The following UBAC2 variants were observed in gnomAD, a reference collection of about 807,000 sequenced individuals.
UBAC2 encodes UBA domain containing 2.
UBAC2 carries 26 observed loss-of-function variants against 44.0 expected under a neutral mutation model. The observed-to-expected ratio is 0.59, with a 90% confidence interval of 0.43 to 0.82. UBAC2 has a LOEUF of 0.82. UBAC2 is among the 40% of genes least tolerant of loss of function. UBAC2 has a pLI of 0.00. For missense variants in UBAC2, 329 were observed against 419.4 expected (o/e 0.78, Z 1.88); for synonymous variants, 155 against 154.3 (o/e 1.00, Z -0.04).
rs2044868910 is a variant in UBAC2 at position 99,340,465 on chromosome 13, G to A, written c.707G>A (p.Gly236Glu). The A allele has an allele frequency of 6.2e-7, 1 of 1,614,062 alleles. No homozygotes were observed. ...ACCAGCGAAGCCAGAATTGGGATGGGAGCCACGCTGGACATCCAGAGACAG... is the reference window on the plus strand; with the variant it reads ...ACCAGCGAAGCCAGAATTGGGATGGAAGCCACGCTGGACATCCAGAGACAG... ...EPTSEARIGM[G>E]ATLDIQRQQR... The change falls in exon 7 of 9, where the codon GGA becomes GAA. Residue 236 changes from glycine (G) to glutamate (E), a missense_variant. Physicochemically the swap from Gly to Glu is moderately conservative, Grantham distance 98 (BLOSUM62 -2). Coordinates refer to ENST00000403766, the MANE Select transcript of UBAC2 (RefSeq NM_001144072.2).
chr13:99,379,836 C>T (rs2045527451), intron 8 of UBAC2, among the ~76,000 whole-genome samples: 1 of 152,174 alleles, frequency 6.6e-6, no homozygotes, highest in Admixed American at 6.5e-5. Flanking sequence ...AAATCTTTTT[C>T]TTATCACTGT....
At chr13:99,379,197 T>TA (rs1441081178) in intron 8 of UBAC2, among the ~76,000 whole-genome samples, 1 of 152,284 alleles carries the variant, frequency 6.6e-6, no homozygotes, top group East Asian at 1.9e-4. Flanking sequence ...AGTTTACGCT[T>TA]ATGCATGCCT....
At chr13:99,352,766 C>T (rs974851588) in intron 7 of UBAC2, among the ~76,000 whole-genome samples, 2 of 151,968 alleles carry the variant, frequency 1.3e-5, no homozygotes, top group Non-Finnish European at 2.9e-5. Context: ...GAGTAGAAAG[C>T]GTCAGTTACA....
At chr13:99,253,774 A>G (rs1178868607) in intron 4 of UBAC2, among the ~76,000 whole-genome samples, 1 of 152,204 alleles carries the variant, frequency 6.6e-6, no homozygotes, top group Non-Finnish European at 1.5e-5. Flanking sequence ...TCAGCCTCCC[A>G]AAGTGCTGGG....
chr13:99,384,480 G>A (rs1359821262), intron 8 of UBAC2, among the ~76,000 whole-genome samples: 1 of 152,190 alleles, frequency 6.6e-6, no homozygotes, highest in Non-Finnish European at 1.5e-5. Context: ...GGAAATCTCC[G>A]TATTCACAGA....
intron 2 of UBAC2, among the ~76,000 whole-genome samples, chr13:99,242,649 C>T (rs1356013494): frequency 4.3e-5 from 5 of 116,426 alleles, no homozygotes; most frequent in South Asian, 3.0e-4. Flanking sequence ...CCCCCACCTC[C>T]CTCCCGGACG....
intron 4 of UBAC2, among the ~76,000 whole-genome samples, chr13:99,252,494 A>G (rs1051833988): frequency 3.3e-5 from 5 of 152,242 alleles, no homozygotes; most frequent in Admixed American, 6.5e-5. Flanking sequence ...TGTAGCTGAC[A>G]TGATAGATGC....
intron 4 of UBAC2, among the ~76,000 whole-genome samples, chr13:99,289,398 C>G (rs2044061284): frequency 6.6e-6 from 1 of 152,142 alleles, no homozygotes; most frequent in Non-Finnish European, 1.5e-5. Flanking sequence ...ACCAACTAGA[C>G]AAACTTGAAA....
chr13:99,210,275 G>C (rs1476404865), intron 1 of UBAC2, among the ~76,000 whole-genome samples: 2 of 152,174 alleles, frequency 1.3e-5, no homozygotes, highest in African/African-American at 4.8e-5. Flanking sequence ...TGCAATGTAG[G>C]AAAGCACTAG....
chr13:99,353,511 C>T (rs1326759578), intron 7 of UBAC2, among the ~76,000 whole-genome samples: 1 of 152,112 alleles, frequency 6.6e-6, no homozygotes, highest in African/African-American at 2.4e-5. Context: ...CTCATGATAC[C>T]TCAGAAAACA....
At chr13:99,243,802 T>C in intron 2 of UBAC2, 30 bp from the exon 3 acceptor site, 3 of 1,543,438 alleles carry the variant, frequency 1.9e-6, no homozygotes, top group Non-Finnish European at 2.6e-6. Flanking sequence ...TTTACTCTTG[T>C]TTATTGTTCT....
At chr13:99,372,813 C>T (rs1451077681) in intron 8 of UBAC2, 1 of 152,232 alleles carries the variant, frequency 6.6e-6, no homozygotes, top group Non-Finnish European at 1.5e-5. Flanking sequence ...TGTCTGCTAT[C>T]TTAGAAATAA....
intron 7 of UBAC2, among the ~76,000 whole-genome samples, chr13:99,366,075 G>A (rs2045326856): frequency 6.6e-6 from 1 of 152,046 alleles, no homozygotes; most frequent in Non-Finnish European, 1.5e-5. Flanking sequence ...ATCAACTTGT[G>A]TACGTCTTTA....
In UBAC2 at chr13:99,367,996, C is replaced by T. The variant is rs144712434; in HGVS notation, c.927+90C>T. 5.7e-4 allele frequency: 839 copies of T among 1,473,462 alleles called. 3 individuals are homozygous for T. In the African/African-American group the frequency reaches 0.011, roughly 19 times the overall value. The allele number at this position is 1,473,462 out of a possible 1,614,324, so 91.3% of individuals were successfully genotyped here. A position where few individuals can be genotyped will look rare whatever the true frequency, so the allele number is the denominator to read the frequency against. On this transcript the variant is annotated intron_variant, in intron 8 of 8. Transcript: ENST00000403766. ...TCAACAGGACTCAAAAGTAATCAAG[C>T]GTGTAAATACAAAGATGGTGACAGC...
chr13:99,256,419 A>T (rs963444681), intron 4 of UBAC2: 2 of 152,258 alleles, frequency 1.3e-5, no homozygotes, highest in African/African-American at 4.8e-5. Flanking sequence ...AGAGCAATAG[A>T]TGAGCTGTTT....
intron 8 of UBAC2, among the ~76,000 whole-genome samples, chr13:99,371,469 A>G (rs1593981108): frequency 6.6e-6 from 1 of 152,204 alleles, no homozygotes. Context: ...TGGGTACTAT[A>G]GAGATTATAA....
At chr13:99,286,652 C>T (rs9517672) in intron 4 of UBAC2, among the ~76,000 whole-genome samples, 21,140 of 152,042 alleles carry the variant, frequency 0.14, 1,716 homozygotes, top group East Asian at 0.32. Flanking sequence ...TCCATCACCC[C>T]ACACTCCCCC....
At chr13:99,305,529 T>G (rs2044320835) in intron 4 of UBAC2, among the ~76,000 whole-genome samples, 1 of 152,246 alleles carries the variant, frequency 6.6e-6, no homozygotes, top group Non-Finnish European at 1.5e-5. Flanking sequence ...CATTTTATCC[T>G]ATAGAATGCT....
chr13:99,307,242 A>C, intron 4 of UBAC2: 1 of 152,208 alleles, frequency 6.6e-6, no homozygotes, highest in South Asian at 2.1e-4. Flanking sequence ...CTTGTTCTTA[A>C]ATAGATTGTT....
Sources: gnomAD v4.1 joint callset for allele counts (sites outside exome capture counted in the v4.1 genomes callset) on GRCh38, gnomAD v4.1.1 for gene constraint, MANE v1.5 for transcripts, NCBI Gene and HGNC (gene_info 2026-07-23, HGNC 2026-07-21) for gene names.